The following SETBP1 variants were observed in gnomAD, a reference collection of about 807,000 sequenced individuals.
The protein encoded by SETBP1 is SET binding protein 1.
A neutral mutation model predicts 101.0 loss-of-function variants in SETBP1; 9 were observed. The observed-to-expected ratio is 0.09, with a 90% CI of 0.05 to 0.16. SETBP1 has a LOEUF of 0.16. SETBP1 is among the 10% of genes least tolerant of loss of function. The probability of loss-of-function intolerance (pLI) is 1.00; values close to 1 mark genes in which losing one functional copy is unlikely to be tolerated. For missense variants in SETBP1, 1,858 were observed against 2,033.8 expected (o/e 0.91, Z 1.66); for synonymous variants, 818 against 788.5 (o/e 1.04, Z -0.63).
chr18:44,881,544 G>A lies in SETBP1; in HGVS notation c.540+12261G>A, dbSNP rs184525804. ...GAAATTCCCCATCAGCTGTAATAAC[G>A]CCAATTACTTTGCCAATTGCAGATT... On this transcript the variant is annotated intron_variant, in intron 3 of 5. Coordinates refer to ENST00000649279, the MANE Select transcript of SETBP1 (RefSeq NM_015559.3). Among the ~76,000 whole-genome samples, 3 of 152,244 alleles carry A rather than the reference G, an allele frequency of 2.0e-5. 1 individual carries two copies. Among genetic ancestry groups the A allele is most frequent in the Admixed American group, 1.3e-4 (2 of 15,290 alleles).
intron 3 of SETBP1, among the ~76,000 whole-genome samples, chr18:44,932,193 T>C (rs1316360378): frequency 6.6e-6 from 1 of 152,222 alleles, no homozygotes; most frequent in Non-Finnish European, 1.5e-5. Context: ...CTCCTTCACT[T>C]ATGAGGCTTA....
At chr18:45,027,737 T>C (rs2073197815) in intron 4 of SETBP1, among the ~76,000 whole-genome samples, 1 of 152,220 alleles carries the variant, frequency 6.6e-6, no homozygotes, top group Non-Finnish European at 1.5e-5. Context: ...TAGTTTTCTC[T>C]TGCTGCCATA....
At chr18:44,853,806 G>A (rs187243785) in intron 2 of SETBP1, among the ~76,000 whole-genome samples, 6 of 152,198 alleles carry the variant, frequency 3.9e-5, no homozygotes, top group Admixed American at 1.3e-4. Context: ...CTCTTCCAAC[G>A]TGCAAATTAC....
chr18:44,912,847 A>G (rs1413486187), intron 3 of SETBP1, among the ~76,000 whole-genome samples: 1 of 151,838 alleles, frequency 6.6e-6, no homozygotes, highest in Non-Finnish European at 1.5e-5. Context: ...TTCTTCTCTC[A>G]TGGTTACTGG....
intron 2 of SETBP1, among the ~76,000 whole-genome samples, chr18:44,723,604 A>G (rs186186908): frequency 6.6e-6 from 1 of 152,304 alleles, no homozygotes; most frequent in Non-Finnish European, 1.5e-5. Context: ...ACTGCATGGG[A>G]GTCTGCCCCA....
At chr18:45,006,739 T>G (rs1411795516) in intron 4 of SETBP1, among the ~76,000 whole-genome samples, 1 of 152,206 alleles carries the variant, frequency 6.6e-6, no homozygotes, top group Non-Finnish European at 1.5e-5. Context: ...AAAGACTTTC[T>G]CCACATAAGG....
At chr18:44,884,892 T>C (rs978856611) in intron 3 of SETBP1, among the ~76,000 whole-genome samples, 2 of 152,190 alleles carry the variant, frequency 1.3e-5, no homozygotes, top group African/African-American at 4.8e-5. Flanking sequence ...ATGCATCTCT[T>C]ATTACATATG....
chr18:44,798,586 T>C (rs1330756619), intron 2 of SETBP1, among the ~76,000 whole-genome samples: 1 of 152,170 alleles, frequency 6.6e-6, no homozygotes, highest in Non-Finnish European at 1.5e-5. Flanking sequence ...GAATCTAAAA[T>C]AGCACTTCCC....
At chr18:44,841,998 A>G (rs916203126) in intron 2 of SETBP1, among the ~76,000 whole-genome samples, 1 of 152,254 alleles carries the variant, frequency 6.6e-6, no homozygotes, top group Non-Finnish European at 1.5e-5. Context: ...AAAGCCATTT[A>G]AAGCTCATAA....
intron 2 of SETBP1, among the ~76,000 whole-genome samples, chr18:44,842,303 C>T (rs1390782484): frequency 6.6e-6 from 1 of 152,188 alleles, no homozygotes; most frequent in African/African-American, 2.4e-5. Flanking sequence ...GGGGGAGGGC[C>T]TGGTGAAGCA....
chr18:44,736,392 T>A (rs2069968071), intron 2 of SETBP1, among the ~76,000 whole-genome samples: 1 of 152,148 alleles, frequency 6.6e-6, no homozygotes, highest in African/African-American at 2.4e-5. Context: ...TTACTTAAGC[T>A]CTGTAGGGTA....
At chr18:44,968,315 G>A (rs1420514749) in intron 4 of SETBP1, among the ~76,000 whole-genome samples, 1 of 152,158 alleles carries the variant, frequency 6.6e-6, no homozygotes, top group Non-Finnish European at 1.5e-5. Flanking sequence ...TAGGGCTCCT[G>A]TACTCATGGA....
intron 2 of SETBP1, among the ~76,000 whole-genome samples, chr18:44,714,500 C>T (rs2069418105): frequency 6.6e-6 from 1 of 152,044 alleles, no homozygotes; most frequent in South Asian, 2.1e-4. Flanking sequence ...CCGCACCTGG[C>T]CTTAGCTCTT....
At chr18:44,797,050 T>C (rs1274779898) in intron 2 of SETBP1, among the ~76,000 whole-genome samples, 1 of 152,188 alleles carries the variant, frequency 6.6e-6, no homozygotes, top group Admixed American at 6.5e-5. Flanking sequence ...ATTAATTAGC[T>C]GGGGCACTGC....
At chr18:44,793,576 A>T (rs868861412) in intron 2 of SETBP1, among the ~76,000 whole-genome samples, 5 of 152,208 alleles carry the variant, frequency 3.3e-5, no homozygotes, top group African/African-American at 1.2e-4. Context: ...TGTGTGTTCT[A>T]TTAAGCTCTC....
At chr18:44,917,759 G>C (rs779583728) in intron 3 of SETBP1, among the ~76,000 whole-genome samples, 37 of 152,138 alleles carry the variant, frequency 2.4e-4, no homozygotes, top group Non-Finnish European at 4.1e-4. Flanking sequence ...AGGTGCCCTG[G>C]AGCTCTGTGT....
intron 2 of SETBP1, among the ~76,000 whole-genome samples, chr18:44,763,804 T>C (rs1007759925): frequency 1.1e-4 from 16 of 152,200 alleles, no homozygotes; most frequent in Non-Finnish European, 1.0e-4. Context: ...CACCGCTCTT[T>C]ATTCTCTCCA....
chr18:44,976,073 TACACACAC>T (rs57458132), intron 4 of SETBP1, among the ~76,000 whole-genome samples: 2,995 of 143,598 alleles, frequency 0.021, 60 homozygotes, highest in East Asian at 0.12. Flanking sequence ...TGGGGAGGGA[TACACACAC>T]ACACACACAC....
At chr18:44,705,721 T>C (rs1048230470) in intron 2 of SETBP1, among the ~76,000 whole-genome samples, 4 of 152,226 alleles carry the variant, frequency 2.6e-5, no homozygotes, top group African/African-American at 9.6e-5. Flanking sequence ...TGATGTTAAC[T>C]CTAGTTATAC....
Sources: allele counts gnomAD v4.1 joint callset (sites outside exome capture counted in the v4.1 genomes callset), GRCh38; gene constraint gnomAD v4.1.1; transcripts MANE v1.5; gene names NCBI Gene and HGNC (gene_info 2026-07-23, HGNC 2026-07-21).